Variants in IFT52 observed in about 807,000 individuals in gnomAD.
IFT52 encodes intraflagellar transport protein 52 homolog.
Under a neutral mutation model 54.4 loss-of-function variants are expected in IFT52, and 44 were observed. The ratio of observed to expected loss-of-function variants is 0.81; its 90% CI spans 0.63 to 1.04. The LOEUF is 1.04. Ranked by LOEUF, IFT52 falls within the 50% of genes least tolerant of loss-of-function variation. The probability of loss-of-function intolerance (pLI) is 0.00; values close to 1 mark genes in which losing one functional copy is unlikely to be tolerated. For missense variants in IFT52, 452 were observed against 523.6 expected (o/e 0.86, Z 1.33); for synonymous variants, 181 against 185.3 (o/e 0.98, Z 0.19).
chr20:43,617,688 C>T (rs781603296), intron 7 of IFT52, among the ~76,000 whole-genome samples: 10 of 152,202 alleles, frequency 6.6e-5, no homozygotes, highest in Non-Finnish European at 1.3e-4. Context: ...AAGTGATCCA[C>T]CCGCCTCGGC....
chr20:43,629,214 T>G (rs1984980834), intron 10 of IFT52, among the ~76,000 whole-genome samples: 1 of 152,204 alleles, frequency 6.6e-6, no homozygotes, highest in Non-Finnish European at 1.5e-5. Context: ...AATTAGCTTA[T>G]TTTGTAAAAC....
At chr20:43,622,351 C>A (rs1386483881) in intron 9 of IFT52, among the ~76,000 whole-genome samples, 3 of 152,084 alleles carry the variant, frequency 2.0e-5, no homozygotes, top group Non-Finnish European at 2.9e-5. Flanking sequence ...GTAATCCCAG[C>A]ACTTTGGGAG....
intron 7 of IFT52, among the ~76,000 whole-genome samples, chr20:43,616,868 C>T (rs1194893120): frequency 1.3e-5 from 2 of 152,058 alleles, no homozygotes; most frequent in Non-Finnish European, 2.9e-5. Flanking sequence ...AAAAAGTTAG[C>T]TGAGTGTGGT....
chr20:43,624,054 C>T lies in IFT52; in HGVS notation c.923+9C>T, dbSNP rs763146442. The T allele has an allele frequency of 3.7e-6, 6 of 1,613,594 alleles. No individual in the cohort carries two copies. In the South Asian group the frequency reaches 5.5e-5, roughly 15 times the overall value. On this transcript the variant is annotated intron_variant, in intron 10 of 13. Transcript: ENST00000373030. ...TTCCACAGCGTCATCGAGTCAGTAC[C>T]TGTGGGCCTCTGAGCCACACTGCAC...
chr20:43,624,756 G>T (rs1042792798), intron 10 of IFT52, among the ~76,000 whole-genome samples: 1 of 152,070 alleles, frequency 6.6e-6, no homozygotes, highest in African/African-American at 2.4e-5. Context: ...GAAGCAGAGG[G>T]GTTCAGAAAG....
chr20:43,634,995 CCA>C (rs1985425736), intron 10 of IFT52, among the ~76,000 whole-genome samples: 1 of 151,866 alleles, frequency 6.6e-6, no homozygotes, highest in Non-Finnish European at 1.5e-5. Context: ...ATGGTGAAAC[CCA>C]TCTCTACTAA....
intron 6 of IFT52, among the ~76,000 whole-genome samples, chr20:43,607,607 G>T (rs1486929746): frequency 7.0e-6 from 1 of 142,798 alleles, no homozygotes; most frequent in African/African-American, 2.6e-5. Flanking sequence ...CTTCCTAAAT[G>T]GGATGGCATC....
At chr20:43,629,325 T>C (rs1423538300) in intron 10 of IFT52, among the ~76,000 whole-genome samples, 1 of 129,648 alleles carries the variant, frequency 7.7e-6, no homozygotes, top group Non-Finnish European at 1.7e-5. Flanking sequence ...CAGGCTGGAG[T>C]GCAGTGGCGC....
chr20:43,604,495 G>A (rs1982703781), intron 5 of IFT52, among the ~76,000 whole-genome samples: 1 of 152,070 alleles, frequency 6.6e-6, no homozygotes, highest in African/African-American at 2.4e-5. Flanking sequence ...AGAATCACTT[G>A]AGCCCGGGAA....
At chr20:43,626,673 A>AT (rs1263528429) in intron 10 of IFT52, among the ~76,000 whole-genome samples, 2 of 151,362 alleles carry the variant, frequency 1.3e-5, no homozygotes, top group African/African-American at 2.4e-5. Context: ...TTTAATTAGC[A>AT]TTTTTTTTCT....
At chr20:43,607,305 G>A (rs1454905196) in intron 6 of IFT52, among the ~76,000 whole-genome samples, 1 of 149,734 alleles carries the variant, frequency 6.7e-6, no homozygotes, top group East Asian at 2.0e-4. Context: ...CTGGCCTGGC[G>A]GGGGCTGACC....
At position 43,637,214 on chromosome 20, in the gene IFT52, T is replaced by G. The variant is rs1985598447; in HGVS notation, c.1081T>G (p.Ser361Ala). ...GCTATTTGATTTAGATGAAACGTTCTCCTCTGAGAAGGCACGGCTGGCTCA... is the reference window on the plus strand; with the variant it reads ...GCTATTTGATTTAGATGAAACGTTCGCCTCTGAGAAGGCACGGCTGGCTCA... ...LELFDLDETF[S>A]SEKARLAQIT... Residue 361 changes from serine to alanine, a missense_variant, in exon 12 of 14, where the codon TCC (serine) becomes GCC (alanine). By Grantham distance (99) the Ser-to-Ala change is moderately conservative. Coordinates refer to ENST00000373030, the MANE Select transcript of IFT52 (RefSeq NM_016004.5). 6.3e-7 allele frequency: 1 copy of G among 1,597,062 alleles called. No homozygotes were observed. Among genetic ancestry groups the G allele is most frequent in the East Asian group, 2.2e-5 (1 of 44,478 alleles).
chr20:43,632,802 A>G (rs1316579306), intron 10 of IFT52, among the ~76,000 whole-genome samples: 3 of 152,160 alleles, frequency 2.0e-5, no homozygotes, highest in Non-Finnish European at 4.4e-5. Context: ...CTATCTCTTA[A>G]TGGTGAAAAG....
At position 43,647,096 on chromosome 20, in the gene IFT52, C is replaced by G. The variant is rs1207909282; in HGVS notation, c.*113C>G. On this transcript the variant is annotated 3_prime_UTR_variant, in exon 14 of 14. Transcript: ENST00000373030. ...GTTTATACACTCTTTCCTCCATGAG[C>G]TCTGGAAGGTATATGCATCTTCTGT... The G allele has an allele frequency of 1.1e-6, 1 of 921,348 alleles. No individual in the cohort carries two copies. The highest frequency in any genetic ancestry group is 1.8e-6 in the Non-Finnish European group (1 of 560,604). The allele number at this position is 921,348 out of a possible 1,614,324, so 57.1% of individuals were successfully genotyped here.
chr20:43,624,638 T>C (rs1165576975), intron 10 of IFT52, among the ~76,000 whole-genome samples: 1 of 152,024 alleles, frequency 6.6e-6, no homozygotes, highest in Admixed American at 6.6e-5. Flanking sequence ...CTGTCAGTGC[T>C]TGAGAGGCAG....
At chr20:43,613,762 A>G (rs746963347) in intron 6 of IFT52, 88 bp from the exon 7 acceptor site, 2 of 1,306,134 alleles carry the variant, frequency 1.5e-6, no homozygotes, top group Non-Finnish European at 2.2e-6. Context: ...TTCAAAAAAG[A>G]GTGTTACTCA....
At chr20:43,627,224 G>A (rs2093139) in intron 10 of IFT52, among the ~76,000 whole-genome samples, 110,048 of 151,874 alleles carry the variant, frequency 0.72, 40,266 homozygotes, top group East Asian at 0.8. Flanking sequence ...ATGGAAAAGC[G>A]CCAGCGAGTG....
chr20:43,639,660 A>C (rs1024615928), intron 12 of IFT52, among the ~76,000 whole-genome samples: 2 of 151,778 alleles, frequency 1.3e-5, no homozygotes, highest in Admixed American at 6.6e-5. Flanking sequence ...ACAAGAGCGA[A>C]ACTCCATCTA....
intron 6 of IFT52, among the ~76,000 whole-genome samples, chr20:43,610,671 G>A (rs1276193326): frequency 6.6e-6 from 1 of 151,916 alleles, no homozygotes; most frequent in African/African-American, 2.4e-5. Flanking sequence ...CCCGGGAGGC[G>A]GAGCTTGCAG....
Sources: gnomAD v4.1 joint callset for allele counts (sites outside exome capture counted in the v4.1 genomes callset) on GRCh38, gnomAD v4.1.1 for gene constraint, MANE v1.5 for transcripts, NCBI Gene and HGNC (gene_info 2026-07-23, HGNC 2026-07-21) for gene names.